Variants in ADAMTS7 observed in about 807,000 individuals in gnomAD.
ADAMTS7 encodes ADAM metallopeptidase with thrombospondin type 1 motif 7, also known as A disintegrin and metalloproteinase with thrombospondin motifs 7.
A neutral mutation model predicts 172.6 loss-of-function variants in ADAMTS7; 89 were observed. The ratio of observed to expected loss-of-function variants is 0.52; its 90% CI spans 0.43 to 0.61. ADAMTS7 has a LOEUF of 0.61. Ranked by LOEUF, ADAMTS7 falls within the 20% of genes least tolerant of loss-of-function variation. The pLI is 0.00. For missense variants in ADAMTS7, 1,973 were observed against 2,355.6 expected (o/e 0.84, Z 3.36); for synonymous variants, 885 against 978.4 (o/e 0.90, Z 1.78).
chr15:78,767,408 C>T lies in ADAMTS7; in HGVS notation c.2830G>A (p.Ala944Thr). The T allele has an allele frequency of 1.2e-6, 2 of 1,611,848 alleles. No homozygotes were observed. The highest frequency in any genetic ancestry group is 2.2e-5 in the South Asian group (2 of 90,990). ...GACCAGTTCCCCACAGCCCAGGTGG[C>T]CGGACAGGGTACATGGCGGTTGCAA... is the stretch of plus-strand genomic sequence containing the variant. ...TPCNRHVPCP[A>T]TWAVGNWSQC... is the part of the protein sequence containing the mutation. Residue 944 changes from alanine to threonine, a missense_variant, in exon 18 of 24, where the codon GCC becomes ACC. Ala to Thr is a moderately conservative substitution (Grantham distance 58). Around this residue, in one of 8 missense-constraint regions of ADAMTS7, gnomAD observed 771 missense variants for 952.6 expected, o/e 0.81. Transcript: ENST00000388820.
chr15:78,760,122 C>T (rs551411733), intron 23 of ADAMTS7, among the ~76,000 whole-genome samples: 2,497 of 151,568 alleles, frequency 0.016, 49 homozygotes, highest in Non-Finnish European at 0.023. Flanking sequence ...CAGCCTCCCA[C>T]TTCTCAGGTG....
intron 8 of ADAMTS7, among the ~76,000 whole-genome samples, chr15:78,782,449 G>A (rs2869860): frequency 2.6e-4 from 36 of 139,634 alleles, no homozygotes; most frequent in East Asian, 6.3e-4. Context: ...TAATGGACCT[G>A]GTCACATCCC....
chr15:78,766,890 G>A lies in ADAMTS7; in HGVS notation c.3021C>T (p.Gly1007=). The part of the protein sequence containing the change: ...PLGTLGPEGS[G]SGSSSHELFN... ...AGAGCTCGTGGCTGGAGGAGCCGCT[G>A]CCTGAGCCTTCAGGGCCCAGTGTGC... is the stretch of plus-strand genomic sequence containing the variant. The change falls in exon 19 of 24, where the codon GGC becomes GGT. Residue 1007 remains glycine, a synonymous_variant. Coordinates refer to ENST00000388820, the MANE Select transcript of ADAMTS7 (RefSeq NM_014272.5). 1 of 1,609,610 alleles carries A rather than the reference G, an allele frequency of 6.2e-7. No homozygotes were observed. The highest frequency in any genetic ancestry group is 8.5e-7 in the Non-Finnish European group (1 of 1,179,056).
chr15:78,792,170 C>A (rs1040751584), intron 4 of ADAMTS7, among the ~76,000 whole-genome samples: 4 of 152,210 alleles, frequency 2.6e-5, no homozygotes. Flanking sequence ...AACCCAAGGT[C>A]AGAAATGGGG....
intron 1 of ADAMTS7, chr15:78,810,764 G>T: frequency 5.3e-6 from 1 of 188,018 alleles, no homozygotes; most frequent in Non-Finnish European, 1.1e-5. Context: ...TCCTCAGTGG[G>T]TAAACCGCGC....
At chr15:78,794,871 C>T (rs555398608) in intron 4 of ADAMTS7, among the ~76,000 whole-genome samples, 1 of 152,346 alleles carries the variant, frequency 6.6e-6, no homozygotes, top group Admixed American at 6.5e-5. Context: ...GTGTGCACAA[C>T]CACACCCAAC....
At position 78,811,174 on chromosome 15, in the gene ADAMTS7, GGGCGCAGCAAA is replaced by G; in HGVS notation, c.36_46del (p.Leu13ProfsTer122). Reference sequence around the variant, plus strand: ...CAGAGCGCAGAGGAGCAGGAGGAGGGGGCGCAGCAAAGGCGCGGGGCTGCGGGGACTGGGGC... The same window carrying G: ...CAGAGCGCAGAGGAGCAGGAGGAGGGGGCGCGGGGCTGCGGGGACTGGGGC... On this transcript the variant is annotated frameshift_variant, in exon 1 of 24. Transcript: ENST00000388820. LOFTEE classifies it high-confidence loss of function. 1 of 1,230,074 alleles carries G rather than the reference GGGCGCAGCAAA, an allele frequency of 8.1e-7. No individual in the cohort carries two copies. The highest frequency in any genetic ancestry group is 1.0e-6 in the Non-Finnish European group (1 of 986,786). 76.2% of individuals were successfully genotyped at this position (1,230,074 alleles called of 1,614,324 possible).
chr15:78,777,389 C>T, intron 9 of ADAMTS7, 55 bp downstream of exon 9: 1 of 1,576,802 alleles, frequency 6.3e-7, no homozygotes, highest in South Asian at 1.2e-5. Flanking sequence ...AGAGCTGCCC[C>T]CTGAGCCCTC....
intron 1 of ADAMTS7, among the ~76,000 whole-genome samples, chr15:78,804,438 C>T (rs2055763291): frequency 6.6e-6 from 1 of 152,188 alleles, no homozygotes; most frequent in African/African-American, 2.4e-5. Context: ...TTATACCCAG[C>T]TCCCAGGATC....
In ADAMTS7 at chr15:78,806,142, A is replaced by C. The variant is rs1404647339; in HGVS notation, c.100+4979T>G. On this transcript the variant is annotated intron_variant, in intron 1 of 23. Transcript: ENST00000388820. ...CACACACACACAAAAAAAAAAAAAA[A>C]AAAAAAAAAAAAACAGAAAAATGGG... 5.3e-3 allele frequency among the ~76,000 whole-genome samples: 728 copies of C among 138,642 alleles called. 1 individual carries two copies. Among genetic ancestry groups the C allele is most frequent in the East Asian group, 0.011 (54 of 4,766 alleles). The allele number at this position is 138,642 out of a possible 152,430, so 91.0% of individuals were successfully genotyped here. A position where few individuals can be genotyped will look rare whatever the true frequency, so the allele number is the denominator to read the frequency against.
rs1473296190 is a variant in ADAMTS7 at position 78,759,559 on chromosome 15, C to A, written c.4923G>T (p.Leu1641=). 3.1e-6 allele frequency: 5 copies of A among 1,589,868 alleles called. No individual in the cohort carries two copies. In the African/African-American group the frequency reaches 5.4e-5, roughly 17 times the overall value. ...VEPPRCERDR[L]SFGFCETLRL... ...GCAGCGTCTCGCAGAACCCGAAGGACAGGCGGTCCCGCTCACAGCCTGGAG... is the reference window on the plus strand; with the variant it reads ...GCAGCGTCTCGCAGAACCCGAAGGAAAGGCGGTCCCGCTCACAGCCTGGAG... Residue 1641 remains leucine, a synonymous_variant, in exon 24 of 24, where the codon CTG becomes CTT. Coordinates refer to ENST00000388820, the MANE Select transcript of ADAMTS7 (RefSeq NM_014272.5).
chr15:78,778,666 G>A (rs1302689565), intron 8 of ADAMTS7, among the ~76,000 whole-genome samples: 3 of 152,172 alleles, frequency 2.0e-5, no homozygotes, highest in East Asian at 1.9e-4. Flanking sequence ...CAGGACCCGC[G>A]GGACCTGGGG....
At chr15:78,783,486 C>T (rs1481368128) in intron 8 of ADAMTS7, among the ~76,000 whole-genome samples, 2 of 151,918 alleles carry the variant, frequency 1.3e-5, no homozygotes, top group African/African-American at 4.8e-5. Flanking sequence ...CCATGTTGGC[C>T]AGGCTGGTCT....
intron 8 of ADAMTS7, among the ~76,000 whole-genome samples, chr15:78,786,449 C>T (rs751158551): frequency 6.6e-6 from 1 of 152,208 alleles, no homozygotes; most frequent in African/African-American, 2.4e-5. Flanking sequence ...GACAGGAGAG[C>T]ACTGACAGGC....
intron 8 of ADAMTS7, among the ~76,000 whole-genome samples, chr15:78,777,882 C>T (rs2055374551): frequency 6.6e-6 from 1 of 152,222 alleles, no homozygotes; most frequent in Non-Finnish European, 1.5e-5. Context: ...GCCTCCTGGA[C>T]CACCAAGCCG....
At chr15:78,782,896 A>AC (rs1567225525) in intron 8 of ADAMTS7, among the ~76,000 whole-genome samples, 38 of 152,114 alleles carry the variant, frequency 2.5e-4, no homozygotes, top group Admixed American at 2.2e-3. Context: ...AGGGCCGGGG[A>AC]TCACTCCCTG....
chr15:78,761,889 G>A, intron 23 of ADAMTS7: 1 of 985,346 alleles, frequency 1.0e-6, no homozygotes. Context: ...CTGGAAGGGA[G>A]GCCCTTCCTG....
At chr15:78,760,022 A>C (rs934017189) in intron 23 of ADAMTS7, among the ~76,000 whole-genome samples, 12 of 152,060 alleles carry the variant, frequency 7.9e-5, no homozygotes, top group African/African-American at 2.9e-4. Flanking sequence ...GCCCCAGTGC[A>C]TCTGTCCTGC....
chr15:78,771,801 C>G lies in ADAMTS7; in HGVS notation c.2160G>C (p.Ala720=), dbSNP rs11635870. Residue 720 remains alanine (A), a synonymous_variant, in exon 15 of 24, where the codon GCG becomes GCC. Coordinates refer to ENST00000388820, the MANE Select transcript of ADAMTS7 (RefSeq NM_014272.5). This position sits in a 1 kb window ranked among gnomAD's most constrained non-coding sequence, Gnocchi z 4.9. ...LGYVDVGLIP[A]GAREIRIQEV... is the part of the protein sequence containing the mutation. ...CTTGGATGCGGATCTCGCGTGCGCC[C>G]GCTGGGATCAGCCCCACATCCACAT... is the stretch of plus-strand genomic sequence containing the variant. 0.38 allele frequency: 604,341 copies of G among 1,611,504 alleles called. 122,390 individuals are homozygous for G. Among genetic ancestry groups the G allele is most frequent in the Non-Finnish European group, 0.42 (501,336 of 1,179,744 alleles).
Sources: gnomAD v4.1 joint callset for allele counts (sites outside exome capture counted in the v4.1 genomes callset) on GRCh38, gnomAD v4.1.1 for gene constraint, gnomAD v4.1.1 regional missense constraint, Gnocchi (gnomAD v3.1) non-coding constraint, MANE v1.5 for transcripts, NCBI Gene and HGNC (gene_info 2026-07-23, HGNC 2026-07-21) for gene names.